Variants in ROBO2 observed in about 807,000 individuals in gnomAD.
ROBO2 encodes the protein roundabout homolog 2.
In ROBO2, 53 loss-of-function variants were observed where a neutral mutation model predicts 160.8. The ratio of observed to expected loss-of-function variants is 0.33; its 90% CI spans 0.26 to 0.41. The LOEUF is 0.41. Ranked by LOEUF, ROBO2 falls within the 10% of genes least tolerant of loss-of-function variation. ROBO2 has a pLI of 1.00. For synonymous variants in ROBO2, 664 were observed against 611.7 expected (o/e 1.09, Z -1.26); for missense variants, 1,577 against 1,722.4 (o/e 0.92, Z 1.49).
At chr3:76,147,956 A>G (rs1256224794) in intron 2 of ROBO2, among the ~76,000 whole-genome samples, 1 of 152,036 alleles carries the variant, frequency 6.6e-6, no homozygotes, top group East Asian at 1.9e-4. Flanking sequence ...TGTTATCTAT[A>G]GAACAGTTAA....
At chr3:77,037,275 C>G (rs1467454289), upstream of ROBO2, among the ~76,000 whole-genome samples, 1 of 152,030 alleles carries the variant, frequency 6.6e-6, no homozygotes, top group Non-Finnish European at 1.5e-5. Flanking sequence ...CAGTTATGAA[C>G]TTGACTACAA....
intron 2 of ROBO2, among the ~76,000 whole-genome samples, chr3:76,148,534 A>T (rs924170286): frequency 6.6e-6 from 1 of 152,030 alleles, no homozygotes; most frequent in Non-Finnish European, 1.5e-5. Flanking sequence ...TATCCCAAAA[A>T]AATCCAAAAT....
intron 2 of ROBO2, among the ~76,000 whole-genome samples, chr3:76,192,581 GT>G (rs1180559621): frequency 8.9e-5 from 12 of 134,330 alleles, no homozygotes; most frequent in South Asian, 4.8e-4. Context: ...CGTCATAAAA[GT>G]TTTTTTTTTA....
chr3:77,594,351 A>G (rs947857987), intron 17 of ROBO2, among the ~76,000 whole-genome samples: 1 of 152,216 alleles, frequency 6.6e-6, no homozygotes, highest in Non-Finnish European at 1.5e-5. Context: ...TGAACTGATA[A>G]TAACATTCTT....
intron 2 of ROBO2, among the ~76,000 whole-genome samples, chr3:76,894,314 G>A (rs2074596763): frequency 6.6e-6 from 1 of 151,948 alleles, no homozygotes; most frequent in African/African-American, 2.4e-5. Context: ...CAATCATGTT[G>A]GTATTGCTGT....
intron 2 of ROBO2, among the ~76,000 whole-genome samples, chr3:76,473,350 G>A (rs535916662): frequency 9.2e-5 from 14 of 152,120 alleles, no homozygotes; most frequent in South Asian, 2.1e-4. Context: ...TATTTAGTAC[G>A]ATTCATTTTG....
At chr3:77,003,424 A>G (rs1015953900) in intron 2 of ROBO2, among the ~76,000 whole-genome samples, 2 of 152,246 alleles carry the variant, frequency 1.3e-5, no homozygotes, top group African/African-American at 4.8e-5. Context: ...TGTGTTGTAC[A>G]TACTCAGTGC....
chr3:76,483,048 G>A (rs185717858), intron 2 of ROBO2, among the ~76,000 whole-genome samples: 1 of 152,104 alleles, frequency 6.6e-6, no homozygotes, highest in East Asian at 1.9e-4. Context: ...ATGGAAATGT[G>A]GGATTTTGTT....
At chr3:77,175,976 G>C (rs2080112376) in intron 2 of ROBO2, among the ~76,000 whole-genome samples, 1 of 151,980 alleles carries the variant, frequency 6.6e-6, no homozygotes, top group South Asian at 2.1e-4. Context: ...CATTTGAGTA[G>C]ATGGAATAAT....
intron 2 of ROBO2, among the ~76,000 whole-genome samples, chr3:76,293,264 T>C (rs1708897209): frequency 6.6e-6 from 1 of 152,176 alleles, no homozygotes; most frequent in South Asian, 2.1e-4. Context: ...AAGAATGCCC[T>C]TCTAAAGGGC....
At chr3:77,258,367 C>G (rs975076073) in intron 2 of ROBO2, among the ~76,000 whole-genome samples, 1 of 152,104 alleles carries the variant, frequency 6.6e-6, no homozygotes, top group Non-Finnish European at 1.5e-5. Flanking sequence ...AAGTCTGTTA[C>G]TTTTTACCTA....
chr3:76,134,276 TTCTC>T (rs976643610), intron 2 of ROBO2, among the ~76,000 whole-genome samples: 3 of 151,176 alleles, frequency 2.0e-5, no homozygotes, highest in Non-Finnish European at 4.4e-5. Context: ...TACTTTTTTT[TTCTC>T]TCTCTCTCTC....
At chr3:77,114,346 C>A (rs1319684652) in intron 2 of ROBO2, among the ~76,000 whole-genome samples, 1 of 152,120 alleles carries the variant, frequency 6.6e-6, no homozygotes, top group African/African-American at 2.4e-5. Context: ...CCTTGGATAT[C>A]AAATAAATTT....
chr3:77,345,222 G>C (rs145279777), intron 2 of ROBO2, among the ~76,000 whole-genome samples: 1 of 152,286 alleles, frequency 6.6e-6, no homozygotes, highest in East Asian at 1.9e-4. Flanking sequence ...GTTGGTGGCA[G>C]GAGGCCTTAG....
intron 2 of ROBO2, among the ~76,000 whole-genome samples, chr3:77,246,725 T>C (rs941456694): frequency 6.6e-6 from 1 of 152,222 alleles, no homozygotes; most frequent in African/African-American, 2.4e-5. Flanking sequence ...TTACCTAATA[T>C]ATTCTGAAAG....
intron 5 of ROBO2, among the ~76,000 whole-genome samples, chr3:77,520,593 A>T (rs748599862): frequency 2.6e-5 from 4 of 151,130 alleles, no homozygotes; most frequent in Non-Finnish European, 5.9e-5. Context: ...CATTAACTTT[A>T]TCTCCCCTCT....
intron 2 of ROBO2, among the ~76,000 whole-genome samples, chr3:76,526,315 C>T (rs948490841): frequency 1.3e-5 from 2 of 151,954 alleles, no homozygotes; most frequent in Admixed American, 6.6e-5. Context: ...TTCTTTTGTT[C>T]TCAGCAAATG....
At chr3:77,474,559 C>A (rs1323227633) in intron 2 of ROBO2, among the ~76,000 whole-genome samples, 1 of 151,982 alleles carries the variant, frequency 6.6e-6, no homozygotes, top group East Asian at 1.9e-4. Context: ...AGTTAGGTAA[C>A]ACACACTGTG....
rs1309194132 is a variant in ROBO2, at chr3:76,226,666, TA to T, written c.109+289072del. Reference sequence around the variant, plus strand: ...AAAATAATATCCCTTTAGTGATGTATAAAAAAAATTAGTTACAATTATTTCT... The same window carrying T: ...AAAATAATATCCCTTTAGTGATGTATAAAAAAATTAGTTACAATTATTTCT... On this transcript the variant is annotated intron_variant, in intron 2 of 26. Coordinates refer to the ROBO2 transcript ENST00000487694. Among the ~76,000 whole-genome samples the T allele has an allele frequency of 6.6e-5, 10 of 152,158 alleles. No homozygotes were observed. The East Asian group carries it at 7.7e-4, about 12-fold the overall frequency.
Sources: gnomAD v4.1 joint callset for allele counts (sites outside exome capture counted in the v4.1 genomes callset) on GRCh38, gnomAD v4.1.1 for gene constraint, MANE v1.5 for transcripts, NCBI Gene and HGNC (gene_info 2026-07-23, HGNC 2026-07-21) for gene names.